ARID1B: variants seen among roughly 807,000 people sequenced by gnomAD.
ARID1B encodes AT-rich interactive domain-containing protein 1B.
Under a neutral mutation model 212.3 loss-of-function variants are expected in ARID1B, and 30 were observed. That is an observed-to-expected ratio of 0.14 (90% CI 0.11 to 0.19). The LOEUF (loss-of-function observed/expected upper bound fraction) is 0.19. Ranked by LOEUF, ARID1B falls within the 10% of genes least tolerant of loss-of-function variation. ARID1B has a pLI of 1.00. For missense variants in ARID1B, 2,891 were observed against 3,204.0 expected (o/e 0.90, Z 2.36); for synonymous variants, 1,402 against 1,301.7 (o/e 1.08, Z -1.66).
At chr6:157,066,416 A>G (rs560667081) in intron 4 of ARID1B, among the ~76,000 whole-genome samples, 2 of 152,348 alleles carry the variant, frequency 1.3e-5, no homozygotes, top group African/African-American at 4.8e-5. Flanking sequence ...CAGAATTTTA[A>G]ATGGTCTCCT....
intron 1 of ARID1B, among the ~76,000 whole-genome samples, chr6:156,819,596 A>G (rs1782213142): frequency 6.6e-6 from 1 of 152,232 alleles, no homozygotes; most frequent in Admixed American, 6.5e-5. Flanking sequence ...AGGGAACCAA[A>G]ATAGTCTTCC....
rs375751576 is a variant in ARID1B at position 156,826,706 on chromosome 6, C to T, written c.1792-2521C>T. On this transcript the variant is annotated intron_variant, in intron 1 of 19. Transcript: ENST00000636930. ...CCAGCCTCAGCCCTCACCTCTGCAG[C>T]GAGACTGTCCTTGCCGAGCACAGCA... Among the ~76,000 whole-genome samples the T allele has an allele frequency of 3.7e-4, 57 of 152,198 alleles. No homozygotes were observed. The South Asian group carries it at 9.8e-3, about 26-fold the overall frequency.
intron 4 of ARID1B, among the ~76,000 whole-genome samples, chr6:157,058,575 T>A (rs1783125989): frequency 6.6e-6 from 1 of 152,246 alleles, no homozygotes; most frequent in Non-Finnish European, 1.5e-5. Flanking sequence ...CTACTTTATC[T>A]TAATCTTTGT....
intron 4 of ARID1B, among the ~76,000 whole-genome samples, chr6:157,004,904 T>TTTTTTTTTTTTTTTTTTTTTTTTTTTTTG (rs1779139393): frequency 9.4e-5 from 3 of 32,084 alleles, no homozygotes; most frequent in Non-Finnish European, 6.2e-5. Context: ...TTTCTTTTTT[T>TTTTTTTTTTTTTTTTTTTTTTTTTTTTTG]TTTTTTTTTT....
In ARID1B at chr6:156,777,818, C is replaced by CGCGGCG. The variant is rs1046394316; in HGVS notation, c.153_158dup (p.Ala52_Ala53dup). ...GGGACCTGGAGGCGGGGGCGCGCGGCGCGGCGGCGGCGGCGGCGGCACCGG... is the reference window on the plus strand; with the variant it reads ...GGGACCTGGAGGCGGGGGCGCGCGGCGCGGCGGCGGCGGCGGCGGCGGCGGCACCGG... On this transcript the variant is annotated inframe_insertion, in exon 1 of 20. Coordinates refer to ENST00000636930, the MANE Select transcript of ARID1B (RefSeq NM_001374828.1). 62 of 1,011,750 alleles carry CGCGGCG rather than the reference C, an allele frequency of 6.1e-5. No individual in the cohort carries two copies. Among genetic ancestry groups the CGCGGCG allele is most frequent in the Non-Finnish European group, 6.8e-5 (58 of 847,120 alleles). 62.7% of individuals were successfully genotyped at this position (1,011,750 alleles called of 1,614,324 possible).
chr6:157,039,379 G>A (rs1229967651), intron 4 of ARID1B, among the ~76,000 whole-genome samples: 1 of 130,356 alleles, frequency 7.7e-6, no homozygotes. Context: ...GCCGGACTGC[G>A]GACTGCAGTG....
At chr6:157,086,541 A>C (rs1487895906) in intron 5 of ARID1B, among the ~76,000 whole-genome samples, 1 of 152,198 alleles carries the variant, frequency 6.6e-6, no homozygotes, top group Non-Finnish European at 1.5e-5. Flanking sequence ...TTTTCTAAAA[A>C]CCTAAATGAA....
chr6:156,987,988 T>C (rs1356053070), intron 4 of ARID1B, among the ~76,000 whole-genome samples: 1 of 152,228 alleles, frequency 6.6e-6, no homozygotes, highest in Non-Finnish European at 1.5e-5. Flanking sequence ...ATGTTGGGGA[T>C]AATGGAATAT....
intron 2 of ARID1B, among the ~76,000 whole-genome samples, chr6:156,864,381 A>G (rs1254122695): frequency 6.6e-6 from 1 of 152,166 alleles, no homozygotes; most frequent in Non-Finnish European, 1.5e-5. Flanking sequence ...TCTTGGCTTG[A>G]TTCTAAGTAA....
chr6:157,142,628 A>AAAC (rs1322228462), intron 7 of ARID1B, among the ~76,000 whole-genome samples: 1 of 152,144 alleles, frequency 6.6e-6, no homozygotes, highest in Non-Finnish European at 1.5e-5. Context: ...TCTGTCTCAA[A>AAAC]AACAACAACA....
chr6:157,102,107 G>C (rs1031380288), intron 5 of ARID1B, among the ~76,000 whole-genome samples: 6 of 152,176 alleles, frequency 3.9e-5, no homozygotes, highest in African/African-American at 1.4e-4. Flanking sequence ...TTCAGAGTTA[G>C]TGTTCTTGTT....
At chr6:157,084,227 G>A (rs760860991) in intron 4 of ARID1B, among the ~76,000 whole-genome samples, 1 of 149,588 alleles carries the variant, frequency 6.7e-6, no homozygotes, top group Non-Finnish European at 1.5e-5. Flanking sequence ...TGAAATTCAC[G>A]TAGTCCACCA....
intron 4 of ARID1B, among the ~76,000 whole-genome samples, chr6:156,980,897 G>A (rs1777565001): frequency 1.3e-5 from 2 of 152,148 alleles, no homozygotes; most frequent in African/African-American, 4.8e-5. Context: ...ATTATTTTAG[G>A]GAGGGTCACA....
chr6:156,779,510 G>A, intron 1 of ARID1B, 39 bp downstream of exon 1: 2 of 1,270,040 alleles, frequency 1.6e-6, no homozygotes, highest in Non-Finnish European at 9.9e-7. Context: ...CCGCCCGGCG[G>A]CCTCGCCGCG....
At chr6:156,895,567 T>C (rs1313652289) in intron 2 of ARID1B, among the ~76,000 whole-genome samples, 2 of 152,202 alleles carry the variant, frequency 1.3e-5, no homozygotes, top group African/African-American at 2.4e-5. Context: ...GTGTGGGTGC[T>C]TGAGTTTCCC....
At chr6:157,198,981 A>G (rs547954630) in intron 17 of ARID1B, 74 bp downstream of exon 17, 2 of 1,233,460 alleles carry the variant, frequency 1.6e-6, no homozygotes, top group East Asian at 5.1e-5. Flanking sequence ...AACTTGTCTT[A>G]CTTCTGAAGA....
intron 2 of ARID1B, among the ~76,000 whole-genome samples, chr6:156,874,310 C>T (rs1011809098): frequency 6.6e-6 from 1 of 152,156 alleles, no homozygotes; most frequent in African/African-American, 2.4e-5. Context: ...TCAAGCTATC[C>T]AGCCACTTCA....
intron 1 of ARID1B, among the ~76,000 whole-genome samples, chr6:156,779,964 C>G (rs911385625): frequency 1.1e-4 from 17 of 152,196 alleles, no homozygotes; most frequent in Non-Finnish European, 1.8e-4. Flanking sequence ...CACGTTCCCT[C>G]TTGGCTTCCG....
intron 4 of ARID1B, among the ~76,000 whole-genome samples, chr6:157,072,973 A>G (rs1196595257): frequency 6.6e-6 from 1 of 152,246 alleles, no homozygotes; most frequent in East Asian, 1.9e-4. Context: ...ACTTTAAAGA[A>G]GTGCCAAAGG....
Sources: allele counts gnomAD v4.1 joint callset (sites outside exome capture counted in the v4.1 genomes callset), GRCh38; gene constraint gnomAD v4.1.1; transcripts MANE v1.5; gene names NCBI Gene and HGNC (gene_info 2026-07-23, HGNC 2026-07-21).